Variants in FAM169A observed in about 807,000 individuals in gnomAD.
FAM169A encodes soluble lamin-associated protein of 75 kDa.
Under a neutral mutation model 75.7 loss-of-function variants are expected in FAM169A, and 24 were observed. That is an observed-to-expected ratio of 0.32 (90% confidence interval 0.23 to 0.45). FAM169A has a LOEUF of 0.45. FAM169A is among the 20% of genes least tolerant of loss of function. FAM169A has a pLI of 1.00. For synonymous variants in FAM169A, 271 were observed against 271.0 expected, an observed-to-expected ratio of 1.00 and a Z score of 0.00; for missense variants, 673 against 784.0, an observed-to-expected ratio of 0.86 and a Z score of 1.69.
At chr5:74,793,627 G>C (rs1458106451) in intron 11 of FAM169A, among the ~76,000 whole-genome samples, 3 of 151,986 alleles carry the variant, frequency 2.0e-5, no homozygotes, top group African/African-American at 7.3e-5. Context: ...TGGATGATGG[G>C]TGCACCAAAA....
chr5:74,824,999 A>C (rs1308009209), intron 5 of FAM169A, among the ~76,000 whole-genome samples: 1 of 152,110 alleles, frequency 6.6e-6, no homozygotes. Flanking sequence ...GTAATTTGTG[A>C]TTTGTTAGAT....
intron 1 of FAM169A, among the ~76,000 whole-genome samples, chr5:74,847,052 A>G (rs1749191664): frequency 1.3e-5 from 2 of 152,212 alleles, no homozygotes; most frequent in African/African-American, 4.8e-5. Context: ...GTATCACTAT[A>G]TAATATTTTT....
At chr5:74,808,479 T>C (rs1188973922) in intron 6 of FAM169A, among the ~76,000 whole-genome samples, 1 of 151,298 alleles carries the variant, frequency 6.6e-6, no homozygotes, top group African/African-American at 2.4e-5. Context: ...AAGATGGGGG[T>C]AGGGGAAAAG....
At chr5:74,799,843 C>G (rs1479844450) in intron 10 of FAM169A, 1 of 1,033,538 alleles carries the variant, frequency 9.7e-7, no homozygotes, top group Non-Finnish European at 1.5e-6. Flanking sequence ...ACCTTTGTCT[C>G]CAAGTTAGAC....
intron 5 of FAM169A, among the ~76,000 whole-genome samples, chr5:74,830,567 A>T (rs1748261875): frequency 1.3e-5 from 2 of 152,348 alleles, no homozygotes; most frequent in South Asian, 4.1e-4. Flanking sequence ...GTTTACTATT[A>T]GGAACTATCA....
At chr5:74,816,141 T>C (rs1747457522) in intron 5 of FAM169A, among the ~76,000 whole-genome samples, 1 of 152,202 alleles carries the variant, frequency 6.6e-6, no homozygotes, top group Non-Finnish European at 1.5e-5. Flanking sequence ...TTTTAATGCC[T>C]TGAAATTGAA....
chr5:74,784,914 G>A (rs1164627), intron 11 of FAM169A, among the ~76,000 whole-genome samples: 9 of 124,596 alleles, frequency 7.2e-5, no homozygotes, highest in South Asian at 2.4e-4. Flanking sequence ...GCAAGACTCC[G>A]TCTCAAAAAA....
intron 1 of FAM169A, among the ~76,000 whole-genome samples, chr5:74,843,391 A>T (rs1748984321): frequency 6.6e-6 from 1 of 152,208 alleles, no homozygotes; most frequent in Non-Finnish European, 1.5e-5. Context: ...GAAAGAACAG[A>T]CAAGCAAAAA....
intron 10 of FAM169A, chr5:74,799,462 C>A (rs1746449356): frequency 1.9e-6 from 3 of 1,611,358 alleles, no homozygotes; most frequent in Admixed American, 1.7e-5. Flanking sequence ...CAATGTTTTG[C>A]TGGCAGCAGG....
intron 5 of FAM169A, among the ~76,000 whole-genome samples, chr5:74,832,274 A>C (rs1288657154): frequency 6.6e-6 from 1 of 152,050 alleles, no homozygotes; most frequent in Non-Finnish European, 1.5e-5. Context: ...TATCTTTATA[A>C]GAAAACTATC....
intron 4 of FAM169A, among the ~76,000 whole-genome samples, chr5:74,835,056 T>TA (rs1748500870): frequency 6.6e-6 from 1 of 150,872 alleles, no homozygotes; most frequent in Non-Finnish European, 1.5e-5. Flanking sequence ...TAAGAACAAT[T>TA]ACATCATTTG....
rs189175996 is a variant in FAM169A at position 74,850,510 on chromosome 5, A to C, written c.-3-8831T>G. On this transcript the variant is annotated intron_variant, in intron 1 of 12. Coordinates refer to ENST00000687041, the MANE Select transcript of FAM169A (RefSeq NM_001376049.1). ...AAAAGCAAAATCCAGCTATATTGCA[A>C]AGGATTTTGAGAGTGTGTGAAAGCT... Among the ~76,000 whole-genome samples the C allele has an allele frequency of 3.0e-3, 463 of 152,314 alleles. 2 individuals are homozygous for C. Among genetic ancestry groups the C allele is most frequent in the Non-Finnish European group, 5.0e-3 (339 of 68,028 alleles).
chr5:74,799,977 C>T, intron 10 of FAM169A: 1 of 805,072 alleles, frequency 1.2e-6, no homozygotes. Context: ...TAGCATCACT[C>T]AAGTCTCTAT....
intron 10 of FAM169A, among the ~76,000 whole-genome samples, chr5:74,797,469 G>A (rs1479207195): frequency 2.6e-5 from 4 of 152,156 alleles, no homozygotes; most frequent in Non-Finnish European, 4.4e-5. Context: ...GAGCCACCGT[G>A]CCCAGCCTAG....
Position 74,804,572 on chromosome 5 carries a change from G to C in FAM169A, c.833C>G (p.Ser278Cys). Residue 278 changes from serine to cysteine, a missense_variant, in exon 8 of 13, where the codon TCT becomes TGT. Ser to Cys is a moderately radical substitution (Grantham distance 112, BLOSUM62 -1). Transcript: ENST00000687041. ...AACAGATGCAGGACCATATTCTCCA[G>C]ACATAGGTCTTTTAGGTTCATTTTG... ...LSQNEPKRPM[S>C]GEYGPASVPE... is the part of the protein sequence containing the mutation. The C allele has an allele frequency of 1.9e-6, 3 of 1,611,052 alleles. No individual in the cohort carries two copies. The highest frequency in any genetic ancestry group is 2.5e-6 in the Non-Finnish European group (3 of 1,177,988).
chr5:74,793,323 C>CA (rs916752737), intron 11 of FAM169A, among the ~76,000 whole-genome samples: 8,480 of 65,118 alleles, frequency 0.13, 408 homozygotes, highest in Non-Finnish European at 0.18. Context: ...GAGTCCATTT[C>CA]AAAAAAAAAA....
In FAM169A at chr5:74,780,284, G is replaced by A. The variant is rs1745346877; in HGVS notation, c.*1176C>T. ...GCTCCCCCAAAGGCAGTTTACCCCTGCCATATAGGTCTAACACTGGGGGCA... is the reference window on the plus strand; with the variant it reads ...GCTCCCCCAAAGGCAGTTTACCCCTACCATATAGGTCTAACACTGGGGGCA... On this transcript the variant is annotated 3_prime_UTR_variant, in exon 13 of 13. Coordinates refer to ENST00000687041, the MANE Select transcript of FAM169A (RefSeq NM_001376049.1). 6.6e-6 allele frequency: 1 copy of A among 152,200 alleles called. No individual in the cohort carries two copies. Among genetic ancestry groups the A allele is most frequent in the Non-Finnish European group, 1.5e-5 (1 of 68,072 alleles). 9.4% of individuals were successfully genotyped at this position (152,200 alleles called of 1,614,324 possible).
intron 8 of FAM169A, among the ~76,000 whole-genome samples, chr5:74,802,374 C>A (rs910817480): frequency 6.6e-6 from 1 of 151,856 alleles, no homozygotes; most frequent in Non-Finnish European, 1.5e-5. Flanking sequence ...CAAATTGTAC[C>A]ATTTTTTTGA....
chr5:74,824,174 T>C (rs1176433299), intron 5 of FAM169A, among the ~76,000 whole-genome samples: 2 of 152,210 alleles, frequency 1.3e-5, no homozygotes, highest in African/African-American at 2.4e-5. Flanking sequence ...AACTGACTTA[T>C]AGTAGTTGTT....
Sources: gnomAD v4.1 joint callset for allele counts (sites outside exome capture counted in the v4.1 genomes callset) on GRCh38, gnomAD v4.1.1 for gene constraint, MANE v1.5 for transcripts, NCBI Gene and HGNC (gene_info 2026-07-23, HGNC 2026-07-21) for gene names.